The following DOCK7 variants were observed in gnomAD, a reference collection of about 807,000 sequenced individuals.
DOCK7 encodes dedicator of cytokinesis 7.
Under a neutral mutation model 271.0 loss-of-function variants are expected in DOCK7, and 138 were observed. The ratio of observed to expected loss-of-function variants is 0.51; its 90% CI spans 0.44 to 0.59. DOCK7 has a LOEUF of 0.59. DOCK7 is among the 20% of genes least tolerant of loss of function. DOCK7 has a pLI of 0.00. For synonymous variants in DOCK7, 823 were observed against 876.1 expected (o/e 0.94, Z 1.07); for missense variants, 2,066 against 2,592.4 (o/e 0.80, Z 4.41).
At chr1:62,677,958 C>T (rs992968584) in intron 1 of DOCK7, among the ~76,000 whole-genome samples, 13 of 152,006 alleles carry the variant, frequency 8.6e-5, no homozygotes, top group African/African-American at 2.9e-4. Flanking sequence ...CAAGACCCCA[C>T]CTCTAAAATA....
chr1:62,547,168 C>T (rs1055472320), intron 22 of DOCK7, among the ~76,000 whole-genome samples: 4 of 152,018 alleles, frequency 2.6e-5, no homozygotes, highest in Non-Finnish European at 5.9e-5. Flanking sequence ...ATACACAATA[C>T]TGATGTTCTG....
chr1:62,472,365 A>T (rs1645857228), intron 48 of DOCK7, among the ~76,000 whole-genome samples: 1 of 152,138 alleles, frequency 6.6e-6, no homozygotes, highest in Non-Finnish European at 1.5e-5. Context: ...TCGGCCTCCC[A>T]AAGTGCTGGA....
intron 25 of DOCK7, 148 bp downstream of exon 25, chr1:62,542,460 G>T (rs889223815): frequency 2.6e-5 from 17 of 650,744 alleles, no homozygotes; most frequent in Non-Finnish European, 3.4e-5. Flanking sequence ...TTTATTTAGA[G>T]ATGTAACACA....
chr1:62,542,989 T>A (rs1348005760), intron 24 of DOCK7, among the ~76,000 whole-genome samples: 2 of 152,112 alleles, frequency 1.3e-5, no homozygotes, highest in East Asian at 3.8e-4. Flanking sequence ...AAACAGAAAC[T>A]AGACTAAAAA....
At chr1:62,639,924 T>C (rs540202810) in intron 7 of DOCK7, among the ~76,000 whole-genome samples, 1 of 151,142 alleles carries the variant, frequency 6.6e-6, no homozygotes, top group South Asian at 2.1e-4. Flanking sequence ...AGTATATTCC[T>C]CATGGATTCA....
intron 18 of DOCK7, among the ~76,000 whole-genome samples, chr1:62,566,398 C>T (rs932322543): frequency 1.3e-5 from 2 of 152,180 alleles, no homozygotes; most frequent in African/African-American, 4.8e-5. Context: ...CGCCACACAT[C>T]TACAACCATA....
intron 7 of DOCK7, chr1:62,638,288 C>T (rs921523646): frequency 6.6e-6 from 1 of 152,022 alleles, no homozygotes; most frequent in East Asian, 1.9e-4. Flanking sequence ...TTTCGATGAA[C>T]GAAAGTTGTC....
At position 62,678,163 on chromosome 1, in the gene DOCK7, A is replaced by G. The variant is rs569210846; in HGVS notation, c.38+10064T>C. Among the ~76,000 whole-genome samples the G allele has an allele frequency of 2.6e-5, 4 of 152,344 alleles. No homozygotes were observed. In the East Asian group the frequency reaches 7.7e-4, roughly 29 times the overall value. On this transcript the variant is annotated intron_variant, in intron 1 of 49. Transcript: ENST00000635253. The stretch of plus-strand genomic sequence containing the variant: ...ATAAAAACTAAAAAACAGAAAAATA[A>G]AAATGTAAGAATGTTCAACATTAAT...
chr1:62,633,354 T>C (rs1654861754), intron 10 of DOCK7, 144 bp downstream of exon 10: 2 of 597,168 alleles, frequency 3.3e-6, no homozygotes, highest in African/African-American at 1.9e-5. Context: ...GAAAAAAATA[T>C]AGTACTAGTA....
intron 7 of DOCK7, among the ~76,000 whole-genome samples, chr1:62,637,669 A>G (rs1265788724): frequency 1.3e-5 from 2 of 152,226 alleles, no homozygotes; most frequent in African/African-American, 4.8e-5. Flanking sequence ...TATTTACATT[A>G]GGGTGAGACT....
intron 29 of DOCK7, chr1:62,531,000 T>C (rs772240703): frequency 6.6e-6 from 1 of 152,260 alleles, no homozygotes; most frequent in Non-Finnish European, 1.5e-5. Context: ...GGGTGGAAAG[T>C]ATACATTTAA....
At chr1:62,520,507 T>C (rs1389051226) in intron 31 of DOCK7, among the ~76,000 whole-genome samples, 1 of 152,130 alleles carries the variant, frequency 6.6e-6, no homozygotes, top group Non-Finnish European at 1.5e-5. Flanking sequence ...AAGCTCATCA[T>C]CACTGGTCAT....
At chr1:62,643,664 T>G (rs570131156) in intron 7 of DOCK7, among the ~76,000 whole-genome samples, 1 of 152,350 alleles carries the variant, frequency 6.6e-6, no homozygotes, top group East Asian at 1.9e-4. Context: ...CTACTATGTT[T>G]CATAAATTCT....
At chr1:62,603,283 CA>C in intron 14 of DOCK7, among the ~76,000 whole-genome samples, 1 of 151,384 alleles carries the variant, frequency 6.6e-6, no homozygotes, top group East Asian at 1.9e-4. Flanking sequence ...AACTCAATAG[CA>C]ATAAGACAAT....
intron 14 of DOCK7, among the ~76,000 whole-genome samples, chr1:62,589,880 T>TAA (rs543247913): frequency 1.0e-4 from 10 of 99,604 alleles, no homozygotes; most frequent in African/African-American, 3.0e-4. Flanking sequence ...AGACTCCATC[T>TAA]AAAAAAAAAA....
chr1:62,589,369 T>G (rs1317219794), intron 14 of DOCK7, among the ~76,000 whole-genome samples: 2 of 152,198 alleles, frequency 1.3e-5, no homozygotes, highest in African/African-American at 4.8e-5. Flanking sequence ...GATTAACTTG[T>G]CCCATCTTTG....
chr1:62,654,149 G>A lies in DOCK7; in HGVS notation c.155C>T (p.Thr52Ile). 1 of 1,612,364 alleles carries A rather than the reference G, an allele frequency of 6.2e-7. No individual in the cohort carries two copies. Among genetic ancestry groups the A allele is most frequent in the Non-Finnish European group, 8.5e-7 (1 of 1,179,082 alleles). The change falls in exon 3 of 50, where the codon ACC becomes ATC. Residue 52 changes from threonine (T) to isoleucine (I), a missense_variant. Thr to Ile is a moderately conservative substitution (Grantham distance 89). Coordinates refer to ENST00000635253, the MANE Select transcript of DOCK7 (RefSeq NM_001367561.1). Reference sequence around the variant, plus strand: ...CAAATCCACTGGATCTACTGCTTCGGTAAGGGGCACCTTTGTAAAAAGTTG... The same window carrying A: ...CAAATCCACTGGATCTACTGCTTCGATAAGGGGCACCTTTGTAAAAAGTTG... The part of the protein sequence containing the change: ...NISHHTTVPL[T>I]EAVDPVDLED...
chr1:62,643,199 T>C (rs899784329), intron 7 of DOCK7, among the ~76,000 whole-genome samples: 1 of 152,202 alleles, frequency 6.6e-6, no homozygotes. Context: ...CTACCAGACA[T>C]GCACAACTCC....
intron 2 of DOCK7, among the ~76,000 whole-genome samples, chr1:62,659,417 C>A (rs992845591): frequency 6.6e-6 from 1 of 151,916 alleles, no homozygotes; most frequent in Admixed American, 6.6e-5. Context: ...CTCTCCACAA[C>A]ACTATAAATC....
Sources: gnomAD v4.1 joint callset for allele counts (sites outside exome capture counted in the v4.1 genomes callset) on GRCh38, gnomAD v4.1.1 for gene constraint, MANE v1.5 for transcripts, NCBI Gene and HGNC (gene_info 2026-07-23, HGNC 2026-07-21) for gene names.